The following SDK2 variants were observed in gnomAD, a reference collection of about 807,000 sequenced individuals.
SDK2 encodes the protein protein sidekick-2.
In SDK2, 105 loss-of-function variants were observed where a neutral mutation model predicts 253.9. The observed-to-expected ratio is 0.41, with a 90% confidence interval of 0.35 to 0.49. SDK2 has a LOEUF of 0.49. Ranked by LOEUF, SDK2 falls within the 20% of genes least tolerant of loss-of-function variation. The probability of loss-of-function intolerance (pLI) is 0.06; values close to 1 mark genes in which losing one functional copy is unlikely to be tolerated. For missense variants in SDK2, 2,608 were observed against 3,003.0 expected, an observed-to-expected ratio of 0.87 and a Z score of 3.07; for synonymous variants, 1,249 against 1,234.9, an observed-to-expected ratio of 1.01 and a Z score of -0.24.
In SDK2 at chr17:73,383,418, G is replaced by A. The variant is rs188734628; in HGVS notation, c.4705+458C>T. 8.9e-4 allele frequency among the ~76,000 whole-genome samples: 136 copies of A among 152,358 alleles called. No individual in the cohort carries two copies. Among genetic ancestry groups the A allele is most frequent in the African/African-American group, 3.2e-3 (133 of 41,592 alleles). Reference sequence around the variant, plus strand: ...GGGCCAGGACTACTGCTCTAGGGGTGTGACCAGGTGAGGCTTCTGGTCCCT... The same window carrying A: ...GGGCCAGGACTACTGCTCTAGGGGTATGACCAGGTGAGGCTTCTGGTCCCT... On this transcript the variant is annotated intron_variant, in intron 33 of 44. Coordinates refer to ENST00000392650, the MANE Select transcript of SDK2 (RefSeq NM_001144952.2). The surrounding 1 kb of genome is among the most constrained non-coding windows in gnomAD (Gnocchi z 4.3).
intron 4 of SDK2, among the ~76,000 whole-genome samples, chr17:73,453,626 C>T (rs1225549508): frequency 6.6e-6 from 1 of 152,182 alleles, no homozygotes; most frequent in Non-Finnish European, 1.5e-5. Context: ...ATCTGCCCAG[C>T]TTGGCCTCTG....
chr17:73,519,855 G>T (rs183469885), intron 1 of SDK2: 1 of 152,184 alleles, frequency 6.6e-6, no homozygotes, highest in South Asian at 2.1e-4. Context: ...TGGAGCCACC[G>T]CTGAGGAAGA....
At chr17:73,532,116 G>T (rs2064173837) in intron 1 of SDK2, among the ~76,000 whole-genome samples, 1 of 152,200 alleles carries the variant, frequency 6.6e-6, no homozygotes, top group African/African-American at 2.4e-5. Flanking sequence ...GATGTTTTTG[G>T]TCGTCACAAC....
At chr17:73,469,981 T>TGCGCGCGCGCGCGCGC (rs10622822) in intron 3 of SDK2, among the ~76,000 whole-genome samples, 2 of 129,622 alleles carry the variant, frequency 1.5e-5, no homozygotes, top group African/African-American at 6.2e-5. Flanking sequence ...CATTTGCGAC[T>TGCGCGCGCGCGCGCGC]GCGCGCGCGC....
At chr17:73,516,090 A>G (rs567564643) in intron 1 of SDK2, among the ~76,000 whole-genome samples, 1 of 152,294 alleles carries the variant, frequency 6.6e-6, no homozygotes, top group South Asian at 2.1e-4. Context: ...AGTCTCTTGA[A>G]GTTCTTACGT....
At chr17:73,535,919 C>G (rs778080235) in intron 1 of SDK2, among the ~76,000 whole-genome samples, 9 of 152,094 alleles carry the variant, frequency 5.9e-5, no homozygotes, top group Non-Finnish European at 8.8e-5. Context: ...TCCATAAGGA[C>G]CACGCCCACC....
Position 73,453,039 on chromosome 17 carries a change from T to G in SDK2, c.479+2867A>C, listed in dbSNP as rs375767674. On this transcript the variant is annotated intron_variant, in intron 4 of 44. Coordinates refer to ENST00000392650, the MANE Select transcript of SDK2 (RefSeq NM_001144952.2). Reference sequence around the variant, plus strand: ...CTGTTAACCTGGGGTGCCACTCCAATTCTTCACCCTGCTCTGTATCCACAC... The same window carrying G: ...CTGTTAACCTGGGGTGCCACTCCAAGTCTTCACCCTGCTCTGTATCCACAC... Among the ~76,000 whole-genome samples the G allele has an allele frequency of 4.1e-4, 63 of 152,246 alleles. 1 individual carries two copies. The highest frequency in any genetic ancestry group is 9.2e-4 in the Admixed American group (14 of 15,288).
In SDK2 at chr17:73,534,550, G is replaced by C. The variant is rs560296380; in HGVS notation, c.65-26953C>G. 3.3e-5 allele frequency among the ~76,000 whole-genome samples: 5 copies of C among 152,142 alleles called. No homozygotes were observed. Among genetic ancestry groups the C allele is most frequent in the Non-Finnish European group, 7.4e-5 (5 of 68,026 alleles). ...AGGAGAAGTAAAGTCACAAAAGGGA[G>C]GGATGGGAAGATGCACAGAGGCAGA... On this transcript the variant is annotated intron_variant, in intron 1 of 44. Transcript: ENST00000392650. This position sits in a 1 kb window ranked among gnomAD's most constrained non-coding sequence, Gnocchi z 4.9.
intron 2 of SDK2, 99 bp downstream of exon 2, chr17:73,507,339 G>A: frequency 7.7e-7 from 1 of 1,294,724 alleles, no homozygotes; most frequent in East Asian, 2.5e-5. Context: ...GGAGCCCTGA[G>A]CCCCACACTG....
chr17:73,339,846 TTTACC>T (rs926703066), intron 44 of SDK2, among the ~76,000 whole-genome samples: 1 of 151,704 alleles, frequency 6.6e-6, no homozygotes, highest in Non-Finnish European at 1.5e-5. Flanking sequence ...CGTGAGCTAC[TTTACC>T]TTACCTTTGT....
chr17:73,508,827 G>C (rs754751451), intron 1 of SDK2, among the ~76,000 whole-genome samples: 1 of 152,184 alleles, frequency 6.6e-6, no homozygotes, highest in South Asian at 2.1e-4. Flanking sequence ...GGAGAGGACA[G>C]ATATCAGGGA....
At chr17:73,448,644 G>T (rs6501640) in intron 4 of SDK2, among the ~76,000 whole-genome samples, 1 of 151,346 alleles carries the variant, frequency 6.6e-6, no homozygotes, top group South Asian at 2.1e-4. Context: ...GATTACAGGC[G>T]TGAGCCACTG....
intron 30 of SDK2, among the ~76,000 whole-genome samples, chr17:73,386,851 C>T (rs1373873684): frequency 6.6e-6 from 1 of 152,234 alleles, no homozygotes; most frequent in African/African-American, 2.4e-5. Flanking sequence ...AGCTTCCCCA[C>T]TTCGCAGAAC....
At chr17:73,518,987 C>T (rs2064053799) in intron 1 of SDK2, 1 of 152,222 alleles carries the variant, frequency 6.6e-6, no homozygotes, top group African/African-American at 2.4e-5. Context: ...CTTTGTCCAC[C>T]ATGCAGGTAC....
intron 38 of SDK2, among the ~76,000 whole-genome samples, chr17:73,362,705 G>T (rs2062651573): frequency 6.6e-6 from 1 of 152,154 alleles, no homozygotes; most frequent in African/African-American, 2.4e-5. Context: ...AAGCTTTTTA[G>T]GGCAAAAGTG....
chr17:73,535,107 G>T (rs184237252), intron 1 of SDK2, among the ~76,000 whole-genome samples: 8 of 152,294 alleles, frequency 5.3e-5, no homozygotes, highest in East Asian at 3.9e-4. Context: ...ATCCCCTATA[G>T]CCCTGACCAG....
At chr17:73,420,208 A>C (rs1397897381) in intron 15 of SDK2, among the ~76,000 whole-genome samples, 1 of 152,238 alleles carries the variant, frequency 6.6e-6, no homozygotes, top group African/African-American at 2.4e-5. Flanking sequence ...TGTTCTGCCT[A>C]AGTGTACTTT....
At chr17:73,627,562 G>T (rs2046217546) in intron 1 of SDK2, among the ~76,000 whole-genome samples, 1 of 152,202 alleles carries the variant, frequency 6.6e-6, no homozygotes, top group African/African-American at 2.4e-5. Context: ...AAAGTCCTGG[G>T]CCAAGGGTGC....
intron 1 of SDK2, among the ~76,000 whole-genome samples, chr17:73,525,198 G>C (rs1054399056): frequency 6.6e-6 from 1 of 152,192 alleles, no homozygotes; most frequent in African/African-American, 2.4e-5. Context: ...AGCTGTGTGA[G>C]ATCCAAGACA....
Sources: gnomAD v4.1 joint callset for allele counts (sites outside exome capture counted in the v4.1 genomes callset) on GRCh38, gnomAD v4.1.1 for gene constraint, Gnocchi (gnomAD v3.1) non-coding constraint, MANE v1.5 for transcripts, NCBI Gene and HGNC (gene_info 2026-07-23, HGNC 2026-07-21) for gene names.